CPNE5: variants seen among roughly 807,000 people sequenced by gnomAD.
CPNE5 encodes copine-5.
Under a neutral mutation model 81.1 loss-of-function variants are expected in CPNE5, and 42 were observed. The ratio of observed to expected loss-of-function variants is 0.52; its 90% CI spans 0.40 to 0.67. The LOEUF is 0.67. Among genes scored for constraint, CPNE5 ranks in the 30% least tolerant of loss-of-function variants. CPNE5 has a pLI of 0.00. For missense variants in CPNE5, 612 were observed against 815.5 expected (o/e 0.75, Z 3.04); for synonymous variants, 313 against 321.5 (o/e 0.97, Z 0.28).
intron 12 of CPNE5, among the ~76,000 whole-genome samples, chr6:36,756,977 G>A (rs1301890089): frequency 6.6e-6 from 1 of 152,146 alleles, no homozygotes; most frequent in African/African-American, 2.4e-5. Flanking sequence ...ATCTGGAGAC[G>A]GTTTTGGTTT....
intron 1 of CPNE5, among the ~76,000 whole-genome samples, chr6:36,831,556 G>T (rs1380061984): frequency 1.4e-5 from 2 of 145,610 alleles, no homozygotes; most frequent in African/African-American, 5.1e-5. Flanking sequence ...GTTTCACCAT[G>T]TTGGCCAGGG....
intron 8 of CPNE5, among the ~76,000 whole-genome samples, chr6:36,784,263 TCTGCATTGTTG>T (rs1228605320): frequency 4.6e-5 from 7 of 152,226 alleles, no homozygotes; most frequent in African/African-American, 7.2e-5. Context: ...ACTGTGATCA[TCTGCATTGTTG>T]CACCATTGTA....
chr6:36,798,480 G>C lies in CPNE5; in HGVS notation c.302C>G (p.Ser101Cys). 1.9e-6 allele frequency: 3 copies of C among 1,614,124 alleles called. No individual in the cohort carries two copies. Among genetic ancestry groups the C allele is most frequent in the Non-Finnish European group, 1.7e-6 (2 of 1,179,968 alleles). Residue 101 changes from serine to cysteine, a missense_variant, in exon 5 of 21, where the codon TCT (serine) becomes TGT (cysteine). By Grantham distance (112) the Ser-to-Cys change is moderately radical. Coordinates refer to ENST00000244751, the MANE Select transcript of CPNE5 (RefSeq NM_020939.2). ...NLRFDLYDVD[S>C]KSPDLSKHDF... The stretch of plus-strand genomic sequence containing the variant: ...GTGTTTGGATAAATCAGGACTCTTA[G>C]AGTCAACGTCGTATCTGCAGGGAAC...
At chr6:36,786,803 G>T (rs1318920887) in intron 8 of CPNE5, among the ~76,000 whole-genome samples, 1 of 152,114 alleles carries the variant, frequency 6.6e-6, no homozygotes, top group Non-Finnish European at 1.5e-5. Context: ...TACGTACATG[G>T]ACACTCAGCA....
chr6:36,825,243 G>T (rs372547491), intron 1 of CPNE5, among the ~76,000 whole-genome samples: 1 of 152,042 alleles, frequency 6.6e-6, no homozygotes, highest in African/African-American at 2.4e-5. Context: ...ATGGACAAAC[G>T]CAACAGCAGC....
rs4714016 is a variant in CPNE5, at chr6:36,838,040, G to C, written c.95+1243C>G. Among the ~76,000 whole-genome samples the C allele has an allele frequency of 3.3e-5, 5 of 152,228 alleles. No individual in the cohort carries two copies. The East Asian group carries it at 9.6e-4, about 29-fold the overall frequency. ...GGAGCCCCCAGAGGGCCTGGCTTAG[G>C]GGGGAAGCTACGTTCAACCAGACTA... On this transcript the variant is annotated intron_variant, in intron 1 of 20. Coordinates refer to ENST00000244751, the MANE Select transcript of CPNE5 (RefSeq NM_020939.2).
chr6:36,786,866 G>T (rs1768601151), intron 8 of CPNE5, among the ~76,000 whole-genome samples: 1 of 152,166 alleles, frequency 6.6e-6, no homozygotes, highest in African/African-American at 2.4e-5. Context: ...ATCTCTGGGT[G>T]ACTTTTCCAT....
chr6:36,777,759 C>A (rs1423124178), intron 9 of CPNE5, among the ~76,000 whole-genome samples: 2 of 64,534 alleles, frequency 3.1e-5, no homozygotes, highest in African/African-American at 6.2e-5. Context: ...GCCTACCCCC[C>A]CCCCCACCAC....
intron 12 of CPNE5, among the ~76,000 whole-genome samples, chr6:36,761,838 A>G (rs1766052757): frequency 6.6e-6 from 1 of 152,226 alleles, no homozygotes; most frequent in African/African-American, 2.4e-5. Context: ...TGGGTTTGGC[A>G]TGAACCATGA....
At chr6:36,799,849 G>A in intron 4 of CPNE5, 118 bp downstream of exon 4, 2 of 724,222 alleles carry the variant, frequency 2.8e-6, no homozygotes. Flanking sequence ...TCTATCCCAG[G>A]CCAACCCTGG....
rs376338167 is a variant in CPNE5, at chr6:36,828,651, C to T, written c.96-5553G>A. Among the ~76,000 whole-genome samples the T allele has an allele frequency of 4.4e-4, 67 of 152,292 alleles. No homozygotes were observed. In the South Asian group the frequency reaches 9.8e-3, roughly 22 times the overall value. On this transcript the variant is annotated intron_variant, in intron 1 of 20. Coordinates refer to ENST00000244751, the MANE Select transcript of CPNE5 (RefSeq NM_020939.2). The stretch of plus-strand genomic sequence containing the variant: ...GCAAAGTATGGCATATTGGTATATA[C>T]GGATACCACATATATGGATACATTC...
chr6:36,821,173 T>C (rs1005503190), intron 3 of CPNE5, among the ~76,000 whole-genome samples: 2 of 124,776 alleles, frequency 1.6e-5, no homozygotes, highest in Admixed American at 7.7e-5. Context: ...CACTAAGCCA[T>C]GTGGGAAAAG....
rs187743076 is a variant in CPNE5, at chr6:36,829,253, T to C, written c.96-6155A>G. Among the ~76,000 whole-genome samples the C allele has an allele frequency of 4.2e-3, 633 of 152,066 alleles. 3 individuals carry two copies. The highest frequency in any genetic ancestry group is 4.7e-3 in the Non-Finnish European group (322 of 67,986). ...GCTCATGCCTATAATCCCAACACTT[T>C]GGGAGGCTGAGGCAGGAGGATCACT... On this transcript the variant is annotated intron_variant, in intron 1 of 20. Coordinates refer to ENST00000244751, the MANE Select transcript of CPNE5 (RefSeq NM_020939.2).
chr6:36,822,104 C>T lies in CPNE5; in HGVS notation c.183+10G>A, dbSNP rs1453553070. 3 of 1,534,468 alleles carry T rather than the reference C, an allele frequency of 2.0e-6. No homozygotes were observed. The highest frequency in any genetic ancestry group is 2.4e-5 in the East Asian group (1 of 41,122). On this transcript the variant is annotated intron_variant, in intron 3 of 20. Coordinates refer to ENST00000244751, the MANE Select transcript of CPNE5 (RefSeq NM_020939.2). The stretch of plus-strand genomic sequence containing the variant: ...CTGGTGTTTCTGGTGTGGGAAGGAG[C>T]TGCACCTACCTCCCGCCACTGCTTG...
intron 8 of CPNE5, among the ~76,000 whole-genome samples, chr6:36,791,381 T>G (rs1247187117): frequency 6.6e-6 from 1 of 152,208 alleles, no homozygotes; most frequent in Non-Finnish European, 1.5e-5. Flanking sequence ...ATAACTTATG[T>G]AAAGTGCCTA....
Position 36,839,439 on chromosome 6 carries a change from G to A in CPNE5, c.-62C>T. On this transcript the variant is annotated 5_prime_UTR_variant, in exon 1 of 21. Transcript: ENST00000244751. The surrounding 1 kb of genome is among the most constrained non-coding windows in gnomAD (Gnocchi z 7.3). ...CTGCGCGATTCACGCCTCCTCCGGA[G>A]CGACTGGAGCCCTGGGCTCTCCCCC... 1.4e-6 allele frequency: 2 copies of A among 1,385,420 alleles called. No individual in the cohort carries two copies. The highest frequency in any genetic ancestry group is 2.0e-6 in the Non-Finnish European group (2 of 1,016,560). 85.8% of individuals were successfully genotyped at this position (1,385,420 alleles called of 1,614,324 possible).
Position 36,765,396 on chromosome 6 carries a change from G to T in CPNE5, c.738-20C>A. ...ATGGTCCTGCAAAACAAAGGCCTTT[G>T]CTGGGATGGGCCCAACCCCACACCC... On this transcript the variant is annotated intron_variant, in intron 10 of 20. Coordinates refer to ENST00000244751, the MANE Select transcript of CPNE5 (RefSeq NM_020939.2). The T allele has an allele frequency of 6.2e-7, 1 of 1,614,132 alleles. No homozygotes were observed. The highest frequency in any genetic ancestry group is 1.1e-5 in the South Asian group (1 of 91,084).
At chr6:36,773,086 G>A (rs1161133880) in intron 10 of CPNE5, among the ~76,000 whole-genome samples, 1 of 151,980 alleles carries the variant, frequency 6.6e-6, no homozygotes, top group African/African-American at 2.4e-5. Context: ...GTCTCACTAT[G>A]TTACGCGGGC....
intron 14 of CPNE5, among the ~76,000 whole-genome samples, chr6:36,751,840 A>G (rs1764866789): frequency 6.6e-6 from 1 of 152,102 alleles, no homozygotes; most frequent in Admixed American, 6.5e-5. Flanking sequence ...ATAAATAAAA[A>G]TAAACAGGAT....
Sources: gnomAD v4.1 joint callset for allele counts (sites outside exome capture counted in the v4.1 genomes callset) on GRCh38, gnomAD v4.1.1 for gene constraint, Gnocchi (gnomAD v3.1) non-coding constraint, MANE v1.5 for transcripts, NCBI Gene and HGNC (gene_info 2026-07-23, HGNC 2026-07-21) for gene names.